Variants in ANOS1 observed in about 807,000 individuals in gnomAD.
ANOS1 encodes the protein anosmin-1.
Under a neutral mutation model 59.0 loss-of-function variants are expected in ANOS1, and 6 were observed. The observed-to-expected ratio is 0.10, with a 90% CI of 0.06 to 0.20. The LOEUF (loss-of-function observed/expected upper bound fraction) is 0.20, where lower values mean the gene tolerates loss of function less well. ANOS1 is among the 10% of genes least tolerant of loss of function. The pLI, the probability that ANOS1 is intolerant of heterozygous loss-of-function variation, is 1.00. For synonymous variants in ANOS1, 217 were observed against 223.4 expected, an observed-to-expected ratio of 0.97 and a Z score of 0.25; for missense variants, 433 against 542.3, an observed-to-expected ratio of 0.80 and a Z score of 2.00.
intron 2 of ANOS1, among the ~76,000 whole-genome samples, chrX:8,660,336 A>G (rs1368358905): frequency 8.9e-6 from 1 of 112,108 alleles, no homozygotes; most frequent in Non-Finnish European, 1.9e-5. Flanking sequence ...TCTCCTGACT[A>G]GGCATCAGAC....
chrX:8,574,507 A>G lies in ANOS1; in HGVS notation c.857-3803T>C, dbSNP rs776931802. On this transcript the variant is annotated intron_variant, in intron 6 of 13. Coordinates refer to ENST00000262648, the MANE Select transcript of ANOS1 (RefSeq NM_000216.4). ...ACTGGAAAAGGCAGACCCTCCCTCA[A>G]TCTGGGTGGGCACCATTCCAATCAG... Among the ~76,000 whole-genome samples, 40 of 111,285 alleles carry G rather than the reference A, an allele frequency of 3.6e-4. 1 individual carries two copies. Among genetic ancestry groups the G allele is most frequent in the East Asian group, 5.7e-4 (2 of 3,524 alleles).
intron 2 of ANOS1, among the ~76,000 whole-genome samples, chrX:8,651,147 C>A (rs1007508366): frequency 8.9e-6 from 1 of 112,160 alleles, no homozygotes; most frequent in Non-Finnish European, 1.9e-5. Context: ...CCGCTGAGGG[C>A]GGCCAAGCCA....
rs1374910074 is a variant in ANOS1, at chrX:8,714,655, C to T, written c.208-14910G>A. Reference sequence around the variant, plus strand: ...ATGGTAAAGCAAAACCCCCATCTTGCTATACACATGTAAACTAGGAGATGC... The same window carrying T: ...ATGGTAAAGCAAAACCCCCATCTTGTTATACACATGTAAACTAGGAGATGC... On this transcript the variant is annotated intron_variant, in intron 1 of 13. Coordinates refer to ENST00000262648, the MANE Select transcript of ANOS1 (RefSeq NM_000216.4). Among the ~76,000 whole-genome samples, 3 of 111,341 alleles carry T rather than the reference C, an allele frequency of 2.7e-5. No homozygotes were observed. The South Asian group carries it at 1.1e-3, about 42-fold the overall frequency.
intron 4 of ANOS1, 71 bp downstream of exon 4, chrX:8,596,963 A>C: frequency 8.3e-7 from 1 of 1,201,020 alleles, no homozygotes; most frequent in Non-Finnish European, 1.1e-6. Context: ...TATGATGGAC[A>C]CCCTTCCCTA....
intron 1 of ANOS1, among the ~76,000 whole-genome samples, chrX:8,714,222 C>T (rs1383135783): frequency 1.8e-5 from 2 of 111,553 alleles, no homozygotes; most frequent in Admixed American, 9.6e-5. Context: ...GTGGCAAAAG[C>T]ACAAAGCAGA....
At chrX:8,652,657 C>T (rs139028886) in intron 2 of ANOS1, among the ~76,000 whole-genome samples, 3,971 of 111,035 alleles carry the variant, frequency 0.036, 76 homozygotes, top group African/African-American at 0.069. Context: ...GGTACTCAAG[C>T]ATCCTCACCA....
intron 9 of ANOS1, among the ~76,000 whole-genome samples, chrX:8,545,061 CAAAAAAA>C (rs759787339): frequency 6.3e-3 from 130 of 20,488 alleles, no homozygotes; most frequent in Non-Finnish European, 8.9e-3. Context: ...AGAGAAACTC[CAAAAAAA>C]AAAAAAAAAA....
intron 2 of ANOS1, among the ~76,000 whole-genome samples, chrX:8,641,757 T>C (rs867710790): frequency 8.9e-6 from 1 of 112,207 alleles, no homozygotes; most frequent in Non-Finnish European, 1.9e-5. Flanking sequence ...GGTGTTTAGG[T>C]AGTCTGCTCA....
chrX:8,612,551 G>GTTT lies in ANOS1; in HGVS notation c.318+11054_318+11056dup, dbSNP rs60402454. On this transcript the variant is annotated intron_variant, in intron 3 of 13. Transcript: ENST00000262648. The stretch of plus-strand genomic sequence containing the variant: ...ATAAAGAAAAACAATAAAACAAGAA[G>GTTT]TTTTTTTTTTTTTTTTTAAAGAAGC... 8.7e-3 allele frequency among the ~76,000 whole-genome samples: 532 copies of GTTT among 60,825 alleles called. 11 individuals carry two copies. The highest frequency in any genetic ancestry group is 0.028 in the African/African-American group (501 of 18,200). The allele number at this position is 60,825 out of a possible 115,157, so 52.8% of individuals were successfully genotyped here.
chrX:8,675,461 C>G (rs1188572067), intron 2 of ANOS1, among the ~76,000 whole-genome samples: 9 of 111,032 alleles, frequency 8.1e-5, no homozygotes. Flanking sequence ...ACAGTCCACC[C>G]AGATGCATAA....
chrX:8,599,309 T>C (rs1015292399), intron 3 of ANOS1, among the ~76,000 whole-genome samples: 1 of 111,537 alleles, frequency 9.0e-6, no homozygotes, highest in Non-Finnish European at 1.9e-5. Flanking sequence ...GTTAGGAATA[T>C]AAGAAATAAA....
At chrX:8,693,924 A>G (rs1473722553) in intron 2 of ANOS1, among the ~76,000 whole-genome samples, 1 of 109,737 alleles carries the variant, frequency 9.1e-6, no homozygotes, top group Non-Finnish European at 1.9e-5. Context: ...GGGTTTTACC[A>G]TGTTGGCCAG....
At chrX:8,722,598 C>CAG (rs755943460) in intron 1 of ANOS1, among the ~76,000 whole-genome samples, 44 of 112,155 alleles carry the variant, frequency 3.9e-4, no homozygotes, top group Admixed American at 6.6e-4. Context: ...CACACACACA[C>CAG]ACACACATAC....
rs749061279 is a variant in ANOS1 at position 8,597,107 on chromosome X, C to T, written c.468G>A (p.Glu156=). The change falls in exon 4 of 14, where the codon GAG becomes GAA. Residue 156 remains glutamate, a synonymous_variant. Transcript: ENST00000262648. ...AACAACATTTCTTCACCCCAGAGCACTCATTGTCAACTTCGCAGCTTTCAA... is the reference window on the plus strand; with the variant it reads ...AACAACATTTCTTCACCCCAGAGCATTCATTGTCAACTTCGCAGCTTTCAA... ...ACVESCEVDN[E]CSGVKKCCSN... is the part of the protein sequence containing the mutation. 1.8e-5 allele frequency: 22 copies of T among 1,209,495 alleles called. No individual in the cohort carries two copies. The highest frequency in any genetic ancestry group is 2.5e-5 in the Non-Finnish European group (22 of 895,213).
At chrX:8,645,363 G>T (rs1432468695) in intron 2 of ANOS1, among the ~76,000 whole-genome samples, 1 of 111,823 alleles carries the variant, frequency 8.9e-6, no homozygotes, top group East Asian at 2.8e-4. Context: ...AATTGACAAA[G>T]ATTCTCAACT....
chrX:8,615,498 G>A (rs1269810320), intron 3 of ANOS1, among the ~76,000 whole-genome samples: 41 of 103,044 alleles, frequency 4.0e-4, no homozygotes, highest in Non-Finnish European at 6.7e-4. Flanking sequence ...AGCCGAGATC[G>A]TGCCATTGCA....
Position 8,539,737 on chromosome X carries a change from T to C in ANOS1, c.1376A>G (p.His459Arg), listed in dbSNP as rs745622374. 4.6e-5 allele frequency: 56 copies of C among 1,208,890 alleles called. No homozygotes were observed. The highest frequency in any genetic ancestry group is 6.1e-5 in the Non-Finnish European group (55 of 895,060). ...KTEDPTVNRY[H>R]VRWFPEACAH... Reference sequence around the variant, plus strand: ...ACACGCTTCAGGAAACCACCGCACATGATATCGGTTGACAGTGGGATCTAT... The same window carrying C: ...ACACGCTTCAGGAAACCACCGCACACGATATCGGTTGACAGTGGGATCTAT... The change falls in exon 10 of 14, where the codon CAT becomes CGT. Residue 459 changes from histidine to arginine, a missense_variant. His to Arg is a conservative substitution (Grantham distance 29). Coordinates refer to ENST00000262648, the MANE Select transcript of ANOS1 (RefSeq NM_000216.4).
chrX:8,695,003 A>G (rs1932662703), intron 2 of ANOS1, among the ~76,000 whole-genome samples: 1 of 111,516 alleles, frequency 9.0e-6, no homozygotes, highest in Non-Finnish European at 1.9e-5. Flanking sequence ...TCTTTTTAGG[A>G]TAGATTTGAT....
chrX:8,554,294 G>C (rs928937509), intron 8 of ANOS1, among the ~76,000 whole-genome samples, 196 bp from the exon 9 acceptor site: 1 of 111,575 alleles, frequency 9.0e-6, no homozygotes, highest in East Asian at 2.8e-4. Context: ...AGCCCATGGA[G>C]GGCGAGCAGA....
Sources: gnomAD v4.1 joint callset for allele counts (sites outside exome capture counted in the v4.1 genomes callset) on GRCh38, gnomAD v4.1.1 for gene constraint, MANE v1.5 for transcripts, NCBI Gene and HGNC (gene_info 2026-07-23, HGNC 2026-07-21) for gene names.